The following ALCAM variants were observed in gnomAD, a reference collection of about 807,000 sequenced individuals.
The protein encoded by ALCAM is activated leukocyte cell adhesion molecule, also known as CD166 antigen.
A neutral mutation model predicts 70.9 loss-of-function variants in ALCAM; 30 were observed. That is an observed-to-expected ratio of 0.42 (90% CI 0.32 to 0.57). The LOEUF is 0.57. Ranked by LOEUF, ALCAM falls within the 20% of genes least tolerant of loss-of-function variation. The probability of loss-of-function intolerance (pLI) is 0.11; values close to 1 mark genes in which losing one functional copy is unlikely to be tolerated. For synonymous variants in ALCAM, 249 were observed against 242.5 expected, an observed-to-expected ratio of 1.03 and a Z score of -0.25; for missense variants, 591 against 695.1, an observed-to-expected ratio of 0.85 and a Z score of 1.68.
intron 1 of ALCAM, among the ~76,000 whole-genome samples, chr3:105,415,775 T>C (rs1336147949): frequency 2.6e-5 from 4 of 152,114 alleles, no homozygotes; most frequent in Non-Finnish European, 5.9e-5. Flanking sequence ...CTTGCTTTGA[T>C]GCAACCATAA....
chr3:105,482,140 T>C (rs1031514401), intron 1 of ALCAM, among the ~76,000 whole-genome samples: 4 of 152,202 alleles, frequency 2.6e-5, no homozygotes, highest in African/African-American at 9.7e-5. Context: ...TTTGAGACAG[T>C]CTCACTCTGT....
rs904736280 is a variant in ALCAM at position 105,571,917 on chromosome 3, A to T, written c.1730A>T (p.Asn577Ile). 6.2e-7 allele frequency: 1 copy of T among 1,613,204 alleles called. No individual in the cohort carries two copies. Among genetic ancestry groups the T allele is most frequent in the African/African-American group, 1.3e-5 (1 of 74,892 alleles). Reference sequence around the variant, plus strand: ...GAAGAAAACAAAAAGTTAGAAGAAAACAATCACAAAACTGAAGCCTAAGAG... The same window carrying T: ...GAAGAAAACAAAAAGTTAGAAGAAATCAATCACAAAACTGAAGCCTAAGAG... ...NMEENKKLEE[N>I]NHKTEA Residue 577 changes from asparagine to isoleucine, a missense_variant, in exon 15 of 16, where the codon AAC becomes ATC. Asn to Ile is a moderately radical substitution (Grantham distance 149). Around this residue, in one of 2 missense-constraint regions of ALCAM, gnomAD observed 164 missense variants for 244.7 expected, o/e 0.67. Coordinates refer to ENST00000306107, the MANE Select transcript of ALCAM (RefSeq NM_001627.4).
At chr3:105,389,496 C>T (rs1212619163) in intron 1 of ALCAM, among the ~76,000 whole-genome samples, 2 of 142,478 alleles carry the variant, frequency 1.4e-5, no homozygotes, top group African/African-American at 5.2e-5. Context: ...TAAGTATATG[C>T]TTTATCTGAT....
At chr3:105,469,648 T>C (rs951087054) in intron 1 of ALCAM, among the ~76,000 whole-genome samples, 1 of 151,236 alleles carries the variant, frequency 6.6e-6, no homozygotes, top group Non-Finnish European at 1.5e-5. Context: ...TATATACATA[T>C]TTATTCCACA....
rs1268306949 is a variant in ALCAM at position 105,376,262 on chromosome 3, C to A, written c.73+8781C>A. Among the ~76,000 whole-genome samples the A allele has an allele frequency of 3.9e-5, 6 of 152,056 alleles. No homozygotes were observed. In the East Asian group the frequency reaches 1.2e-3, roughly 29 times the overall value. ...TTTTGTTTAGCCCCCCATTTGAGAG[C>A]TGAAATAAATGAAACCACAGGTTTA... On this transcript the variant is annotated intron_variant, in intron 1 of 15. Coordinates refer to ENST00000306107, the MANE Select transcript of ALCAM (RefSeq NM_001627.4).
chr3:105,563,663 A>ATTTTTTTTTTTTTTT (rs1940677356), intron 14 of ALCAM, among the ~76,000 whole-genome samples: 1 of 72,546 alleles, frequency 1.4e-5, no homozygotes, highest in African/African-American at 6.8e-5. Flanking sequence ...AATTCCAAGC[A>ATTTTTTTTTTTTTTT]TTTCTTTTTT....
intron 1 of ALCAM, among the ~76,000 whole-genome samples, chr3:105,461,520 TG>T: frequency 6.6e-6 from 1 of 151,936 alleles, no homozygotes; most frequent in African/African-American, 2.4e-5. Flanking sequence ...TGGATAAACT[TG>T]TAAGTATTCT....
intron 1 of ALCAM, among the ~76,000 whole-genome samples, chr3:105,512,377 T>A (rs926675591): frequency 1.3e-5 from 2 of 151,852 alleles, no homozygotes; most frequent in Non-Finnish European, 2.9e-5. Flanking sequence ...ACGAATGCAG[T>A]ACACTCTTCT....
At chr3:105,570,920 T>C (rs1398619688) in intron 14 of ALCAM, among the ~76,000 whole-genome samples, 3 of 152,072 alleles carry the variant, frequency 2.0e-5, no homozygotes, top group Non-Finnish European at 2.9e-5. Context: ...TTGTCTCTTA[T>C]TCTGGATGCT....
At chr3:105,498,266 G>T (rs2152614720) in intron 1 of ALCAM, among the ~76,000 whole-genome samples, 1 of 152,166 alleles carries the variant, frequency 6.6e-6, no homozygotes, top group Non-Finnish European at 1.5e-5. Flanking sequence ...AAATTGCTGG[G>T]TTTTTTCCTC....
At position 105,547,157 on chromosome 3, in the gene ALCAM, C is replaced by G; in HGVS notation, c.1113C>G (p.Ile371Met). The stretch of plus-strand genomic sequence containing the variant: ...ACTTTTTATTTAATCAGGATAACAT[C>G]AGGCTTCGATCTAGCCCGTCATTTT... ...NATVVWMKDN[I>M]RLRSSPSFSS... Residue 371 changes from isoleucine to methionine, a missense_variant, in exon 10 of 16, where the codon ATC (isoleucine) becomes ATG (methionine). Physicochemically the swap from Ile to Met is conservative, Grantham distance 10. Around this residue, in one of 2 missense-constraint regions of ALCAM, gnomAD observed 427 missense variants for 450.4 expected, o/e 0.95. Coordinates refer to ENST00000306107, the MANE Select transcript of ALCAM (RefSeq NM_001627.4). 6.3e-7 allele frequency: 1 copy of G among 1,586,378 alleles called. No individual in the cohort carries two copies. Among genetic ancestry groups the G allele is most frequent in the Non-Finnish European group, 8.5e-7 (1 of 1,169,684 alleles).
intron 1 of ALCAM, among the ~76,000 whole-genome samples, chr3:105,391,985 T>C (rs1388659062): frequency 2.0e-5 from 3 of 152,022 alleles, no homozygotes; most frequent in Non-Finnish European, 2.9e-5. Flanking sequence ...CAGTGTTTTA[T>C]TGATGATTTT....
chr3:105,568,125 A>G (rs1468664759), intron 14 of ALCAM, among the ~76,000 whole-genome samples: 1 of 149,206 alleles, frequency 6.7e-6, no homozygotes, highest in East Asian at 2.0e-4. Context: ...CAATGGTACA[A>G]TATCTCGGCT....
chr3:105,513,959 C>T (rs1018193678), intron 1 of ALCAM, among the ~76,000 whole-genome samples: 1 of 151,914 alleles, frequency 6.6e-6, no homozygotes, highest in Non-Finnish European at 1.5e-5. Context: ...GAAAACCAAG[C>T]GTCACTCAGT....
chr3:105,525,273 T>C (rs993608808), intron 3 of ALCAM: 1 of 984,194 alleles, frequency 1.0e-6, no homozygotes, highest in Non-Finnish European at 1.2e-6. Flanking sequence ...ATAGTCACTA[T>C]GACAAAATTA....
At chr3:105,545,147 A>G (rs746904736) in intron 8 of ALCAM, 76 bp from the exon 9 acceptor site, 29 of 976,098 alleles carry the variant, frequency 3.0e-5, no homozygotes, top group Non-Finnish European at 4.5e-5. Context: ...ATTTTCTTTC[A>G]TCTTTTCTTC....
In ALCAM at chr3:105,375,909, T is replaced by C. The variant is rs182311105; in HGVS notation, c.73+8428T>C. Among the ~76,000 whole-genome samples, 230 of 152,302 alleles carry C rather than the reference T, an allele frequency of 1.5e-3. 1 individual carries two copies. Among genetic ancestry groups the C allele is most frequent in the African/African-American group, 5.2e-3 (217 of 41,560 alleles). On this transcript the variant is annotated intron_variant, in intron 1 of 15. Transcript: ENST00000306107. ...AGGGTGTGACAACAGCAAAGACGCT[T>C]ATCGCGGAAACTTTGACCCTGTATT...
chr3:105,488,859 C>T (rs563747945), intron 1 of ALCAM, among the ~76,000 whole-genome samples: 3 of 152,158 alleles, frequency 2.0e-5, no homozygotes, highest in South Asian at 2.1e-4. Context: ...GTTGGACTCC[C>T]GTATTCTCTT....
At chr3:105,479,529 A>G (rs1490108780) in intron 1 of ALCAM, among the ~76,000 whole-genome samples, 1 of 150,744 alleles carries the variant, frequency 6.6e-6, no homozygotes, top group Non-Finnish European at 1.5e-5. Context: ...AATGGAACAT[A>G]TGAATTTCTG....
Sources: gnomAD v4.1 joint callset for allele counts (sites outside exome capture counted in the v4.1 genomes callset) on GRCh38, gnomAD v4.1.1 for gene constraint, gnomAD v4.1.1 regional missense constraint, MANE v1.5 for transcripts, NCBI Gene and HGNC (gene_info 2026-07-23, HGNC 2026-07-21) for gene names.